Variants in TRIO observed in about 807,000 individuals in gnomAD.
TRIO encodes the protein trio Rho guanine nucleotide exchange factor, also known as triple functional domain protein.
A neutral mutation model predicts 351.9 loss-of-function variants in TRIO; 58 were observed. The ratio of observed to expected loss-of-function variants is 0.16; its 90% confidence interval spans 0.13 to 0.21. The LOEUF (loss-of-function observed/expected upper bound fraction) is 0.21. TRIO is among the 10% of genes least tolerant of loss of function. TRIO has a pLI of 1.00. For missense variants in TRIO, 3,201 were observed against 4,027.8 expected, an observed-to-expected ratio of 0.79 and a Z score of 5.56; for synonymous variants, 1,758 against 1,595.7, an observed-to-expected ratio of 1.10 and a Z score of -2.42.
In TRIO at chr5:14,422,155, C is replaced by T. The variant is rs1187565097; in HGVS notation, c.5203+2134C>T. 2.6e-5 allele frequency among the ~76,000 whole-genome samples: 4 copies of T among 152,272 alleles called. No individual in the cohort carries two copies. The East Asian group carries it at 7.7e-4, about 29-fold the overall frequency. ...GTTAAACATGGCCCCTCTTTGCACA[C>T]CATGGCATGCATCATTCTGGCAGCT... is the stretch of plus-strand genomic sequence containing the variant. On this transcript the variant is annotated intron_variant, in intron 34 of 56. Transcript: ENST00000344204.
At chr5:14,349,160 T>TGC (rs1339585009) in intron 11 of TRIO, among the ~76,000 whole-genome samples, 7 of 148,304 alleles carry the variant, frequency 4.7e-5, no homozygotes, top group African/African-American at 1.7e-4. Context: ...TGGGTGTGTA[T>TGC]GCACGTGAGC....
chr5:14,372,987 C>T (rs929860094), intron 18 of TRIO, among the ~76,000 whole-genome samples: 4 of 152,178 alleles, frequency 2.6e-5, no homozygotes, highest in African/African-American at 9.7e-5. Context: ...CTTACAGTCA[C>T]TGCAGAAGGG....
At chr5:14,413,102 G>A (rs1361927357) in intron 33 of TRIO, among the ~76,000 whole-genome samples, 1 of 152,194 alleles carries the variant, frequency 6.6e-6, no homozygotes, top group African/African-American at 2.4e-5. Flanking sequence ...TGCTGTTGCA[G>A]GTTACTGTCA....
At chr5:14,386,042 C>T (rs576502038) in intron 21 of TRIO, among the ~76,000 whole-genome samples, 3 of 152,132 alleles carry the variant, frequency 2.0e-5, no homozygotes, top group East Asian at 3.9e-4. Flanking sequence ...GAAGGACAGA[C>T]GACGATTGTA....
At chr5:14,204,566 A>G (rs1050843404) in intron 1 of TRIO, among the ~76,000 whole-genome samples, 4 of 152,192 alleles carry the variant, frequency 2.6e-5, no homozygotes, top group Non-Finnish European at 5.9e-5. Context: ...TGGTGGAACA[A>G]TAGCTAATTA....
intron 40 of TRIO, among the ~76,000 whole-genome samples, chr5:14,474,955 A>G (rs140800929): frequency 6.6e-6 from 1 of 152,226 alleles, no homozygotes; most frequent in African/African-American, 2.4e-5. Flanking sequence ...GATTACAGGC[A>G]TGAGCCACCA....
intron 28 of TRIO, among the ~76,000 whole-genome samples, chr5:14,395,769 A>G (rs750891000): frequency 1.3e-5 from 2 of 152,190 alleles, no homozygotes; most frequent in African/African-American, 4.8e-5. Flanking sequence ...TAATACACCA[A>G]TAAGAAAGTA....
chr5:14,449,476 C>T (rs568786879), intron 34 of TRIO, among the ~76,000 whole-genome samples: 2 of 152,314 alleles, frequency 1.3e-5, no homozygotes, highest in South Asian at 4.1e-4. Flanking sequence ...AAGACTAGCC[C>T]AACAACCACC....
At chr5:14,419,079 T>G (rs1749893648) in intron 33 of TRIO, among the ~76,000 whole-genome samples, 1 of 151,728 alleles carries the variant, frequency 6.6e-6, no homozygotes, top group South Asian at 2.1e-4. Flanking sequence ...GAAAGGAACG[T>G]CAGGCTGGAG....
chr5:14,411,170 T>G (rs1749167873), intron 33 of TRIO, among the ~76,000 whole-genome samples: 1 of 152,196 alleles, frequency 6.6e-6, no homozygotes, highest in Non-Finnish European at 1.5e-5. Context: ...AACATGCATT[T>G]AATCATCTGT....
chr5:14,452,027 G>A (rs533404288), intron 34 of TRIO, among the ~76,000 whole-genome samples: 2 of 152,356 alleles, frequency 1.3e-5, no homozygotes, highest in East Asian at 1.9e-4. Flanking sequence ...CAGGGCATCC[G>A]TGGGTGGCCC....
intron 11 of TRIO, among the ~76,000 whole-genome samples, chr5:14,345,861 G>T (rs947811396): frequency 2.6e-5 from 4 of 152,136 alleles, no homozygotes; most frequent in African/African-American, 9.7e-5. Flanking sequence ...TTAAATTTCT[G>T]TTTTAAAGGG....
At chr5:14,349,515 G>C (rs1293461373) in intron 11 of TRIO, among the ~76,000 whole-genome samples, 1 of 152,158 alleles carries the variant, frequency 6.6e-6, no homozygotes, top group Non-Finnish European at 1.5e-5. Context: ...CAGGGCCCAA[G>C]GTTAAGCTGT....
At chr5:14,243,527 T>C (rs1353934203) in intron 1 of TRIO, among the ~76,000 whole-genome samples, 5 of 152,116 alleles carry the variant, frequency 3.3e-5, no homozygotes, top group Admixed American at 2.0e-4. Flanking sequence ...AAAATGATTT[T>C]TGGAAAGGTG....
In TRIO at chr5:14,170,720, G is replaced by C. The variant is rs1191724644; in HGVS notation, c.157+26838G>C. 2.6e-5 allele frequency among the ~76,000 whole-genome samples: 4 copies of C among 151,998 alleles called. No homozygotes were observed. The East Asian group carries it at 7.7e-4, about 29-fold the overall frequency. The stretch of plus-strand genomic sequence containing the variant: ...GGGGTTTCACCATGTTGGCCAGCGT[G>C]GTCTGGAACTCCTGACTTCAGTGAT... On this transcript the variant is annotated intron_variant, in intron 1 of 56. Coordinates refer to ENST00000344204, the MANE Select transcript of TRIO (RefSeq NM_007118.4).
At chr5:14,490,232 T>C (rs1446879216) in intron 48 of TRIO, among the ~76,000 whole-genome samples, 1 of 152,212 alleles carries the variant, frequency 6.6e-6, no homozygotes, top group Non-Finnish European at 1.5e-5. Flanking sequence ...TGAGCCGAGA[T>C]CGTGCCATTG....
At chr5:14,386,046 G>A (rs997784202) in intron 21 of TRIO, among the ~76,000 whole-genome samples, 3 of 152,334 alleles carry the variant, frequency 2.0e-5, no homozygotes, top group East Asian at 3.9e-4. Flanking sequence ...GACAGACGAC[G>A]ATTGTAAAAA....
chr5:14,472,536 C>CA, intron 38 of TRIO, 56 bp from the exon 39 acceptor site: 3 of 1,594,250 alleles, frequency 1.9e-6, no homozygotes, highest in Admixed American at 1.7e-5. Flanking sequence ...AGCAAAGGTA[C>CA]AAAAAAATTC....
At chr5:14,504,719 A>G (rs1757538344) in intron 55 of TRIO, 126 bp downstream of exon 55, 1 of 1,203,088 alleles carries the variant, frequency 8.3e-7, no homozygotes, top group Non-Finnish European at 1.2e-6. Flanking sequence ...ACTAAAAAAC[A>G]TCTTCACTGT....
Sources: gnomAD v4.1 joint callset for allele counts (sites outside exome capture counted in the v4.1 genomes callset) on GRCh38, gnomAD v4.1.1 for gene constraint, MANE v1.5 for transcripts, NCBI Gene and HGNC (gene_info 2026-07-23, HGNC 2026-07-21) for gene names.